Variants in EBF2 observed in about 807,000 individuals in gnomAD.
EBF2 encodes the protein transcription factor COE2.
In EBF2, 21 loss-of-function variants were observed where a neutral mutation model predicts 72.8. The observed-to-expected ratio is 0.29, with a 90% CI of 0.20 to 0.42. The LOEUF is 0.42. EBF2 is among the 10% of genes least tolerant of loss of function. EBF2 has a pLI of 1.00. For missense variants in EBF2, 637 were observed against 731.2 expected (o/e 0.87, Z 1.49); for synonymous variants, 299 against 274.2 (o/e 1.09, Z -0.89).
In EBF2 at chr8:25,974,236, A is replaced by G. The variant is rs1308203449; in HGVS notation, c.551+58849T>C. On this transcript the variant is annotated intron_variant, in intron 6 of 15. Coordinates refer to ENST00000520164, the MANE Select transcript of EBF2 (RefSeq NM_022659.4). The stretch of plus-strand genomic sequence containing the variant: ...CAGATGGAGTGGGCAAAACCAGACC[A>G]GGCTCCAGGACCCAAGACTCCTCAC... 5.3e-5 allele frequency among the ~76,000 whole-genome samples: 8 copies of G among 152,206 alleles called. No individual in the cohort carries two copies. The East Asian group carries it at 1.5e-3, about 29-fold the overall frequency.
At chr8:26,000,972 C>G (rs1804713824) in intron 6 of EBF2, among the ~76,000 whole-genome samples, 1 of 152,178 alleles carries the variant, frequency 6.6e-6, no homozygotes, top group Non-Finnish European at 1.5e-5. Flanking sequence ...GCGCAAAAAT[C>G]AAACCTACCT....
intron 6 of EBF2, among the ~76,000 whole-genome samples, chr8:26,004,043 G>A (rs1183417405): frequency 6.6e-6 from 1 of 151,624 alleles, no homozygotes; most frequent in Admixed American, 6.6e-5. Flanking sequence ...TCACTTCTAG[G>A]TGTCGTTTAA....
chr8:26,009,629 C>T (rs1465127734), intron 6 of EBF2, among the ~76,000 whole-genome samples: 1 of 152,170 alleles, frequency 6.6e-6, no homozygotes, highest in Non-Finnish European at 1.5e-5. Flanking sequence ...TTAAAAGTAT[C>T]CGAGATTCTT....
At chr8:25,979,200 G>A (rs765677089) in intron 6 of EBF2, among the ~76,000 whole-genome samples, 2 of 152,186 alleles carry the variant, frequency 1.3e-5, no homozygotes, top group South Asian at 2.1e-4. Context: ...TTTCTTCCAC[G>A]ACAGTGTTTG....
chr8:26,016,835 G>T (rs1805118296), intron 6 of EBF2, among the ~76,000 whole-genome samples: 1 of 152,080 alleles, frequency 6.6e-6, no homozygotes, highest in African/African-American at 2.4e-5. Context: ...AATTGGTTAA[G>T]GTCATCACTT....
At chr8:26,004,673 C>CA (rs56848916) in intron 6 of EBF2, among the ~76,000 whole-genome samples, 683 of 45,454 alleles carry the variant, frequency 0.015, 65 homozygotes, top group African/African-American at 0.056. Context: ...AGACTGTCTC[C>CA]AAAAAAAAAA....
intron 7 of EBF2, among the ~76,000 whole-genome samples, chr8:25,898,327 T>G (rs1191903828): frequency 6.6e-6 from 1 of 152,186 alleles, no homozygotes; most frequent in Admixed American, 6.5e-5. Flanking sequence ...AGAATTCTAA[T>G]TGGCATAAAG....
At chr8:25,926,990 T>C (rs926892210) in intron 6 of EBF2, among the ~76,000 whole-genome samples, 2 of 152,178 alleles carry the variant, frequency 1.3e-5, no homozygotes, top group Non-Finnish European at 2.9e-5. Flanking sequence ...TGGTTAGTTC[T>C]TGTCAACATG....
intron 14 of EBF2, among the ~76,000 whole-genome samples, chr8:25,855,654 T>G (rs1303672429): frequency 1.3e-5 from 2 of 152,226 alleles, no homozygotes; most frequent in Non-Finnish European, 2.9e-5. Context: ...CCCGGGCTTT[T>G]CTTTTTTTGT....
At chr8:25,996,214 G>C (rs1438800050) in intron 6 of EBF2, among the ~76,000 whole-genome samples, 4 of 150,890 alleles carry the variant, frequency 2.7e-5, no homozygotes, top group African/African-American at 4.9e-5. Flanking sequence ...AGGATGGCTT[G>C]AGCCCAGGAG....
At chr8:26,043,148 G>A (rs1805635311) in intron 1 of EBF2, among the ~76,000 whole-genome samples, 1 of 152,234 alleles carries the variant, frequency 6.6e-6, no homozygotes, top group Admixed American at 6.5e-5. Context: ...AGCGTGCTGA[G>A]TGTGTGCACA....
chr8:25,905,345 C>T (rs1463990541), intron 7 of EBF2, among the ~76,000 whole-genome samples: 1 of 152,006 alleles, frequency 6.6e-6, no homozygotes, highest in Non-Finnish European at 1.5e-5. Context: ...AGTTGTATAC[C>T]CAAGAGAATT....
intron 6 of EBF2, among the ~76,000 whole-genome samples, chr8:25,948,345 GT>G (rs1412060602): frequency 6.6e-6 from 1 of 152,182 alleles, no homozygotes; most frequent in African/African-American, 2.4e-5. Flanking sequence ...AAGCAAACCA[GT>G]TCTATGGCTT....
intron 6 of EBF2, among the ~76,000 whole-genome samples, chr8:26,004,025 G>A (rs1483628547): frequency 4.6e-5 from 7 of 151,838 alleles, no homozygotes; most frequent in Non-Finnish European, 4.4e-5. Context: ...CCACTCTGTG[G>A]AGGACTTTCA....
intron 7 of EBF2, among the ~76,000 whole-genome samples, chr8:25,898,026 A>T (rs946741185): frequency 6.6e-6 from 1 of 152,192 alleles, no homozygotes; most frequent in African/African-American, 2.4e-5. Flanking sequence ...GCTACATGCA[A>T]TGGAAGTTTA....
intron 6 of EBF2, among the ~76,000 whole-genome samples, chr8:26,019,448 C>T: frequency 6.6e-6 from 1 of 152,228 alleles, no homozygotes; most frequent in East Asian, 1.9e-4. Flanking sequence ...TCTGCTTCTT[C>T]CTCCTTGTCC....
intron 6 of EBF2, among the ~76,000 whole-genome samples, chr8:25,946,959 T>C (rs998688450): frequency 1.2e-4 from 19 of 152,346 alleles, no homozygotes; most frequent in African/African-American, 4.3e-4. Context: ...ATTCTACTTA[T>C]TTAACAAATA....
intron 7 of EBF2, among the ~76,000 whole-genome samples, chr8:25,898,462 A>C (rs996376551): frequency 3.3e-5 from 5 of 151,902 alleles, no homozygotes; most frequent in East Asian, 1.9e-4. Context: ...AAAAAAAAAA[A>C]ACCAGCTTTT....
At chr8:25,968,100 T>G (rs992104355) in intron 6 of EBF2, among the ~76,000 whole-genome samples, 2 of 151,986 alleles carry the variant, frequency 1.3e-5, no homozygotes, top group Non-Finnish European at 1.5e-5. Flanking sequence ...TTTCTGCACA[T>G]AGGTGGGCTA....
Sources: allele counts gnomAD v4.1 joint callset (sites outside exome capture counted in the v4.1 genomes callset), GRCh38; gene constraint gnomAD v4.1.1; transcripts MANE v1.5; gene names NCBI Gene and HGNC (gene_info 2026-07-23, HGNC 2026-07-21).